The following G3BP2 variants were observed in gnomAD, a reference collection of about 807,000 sequenced individuals.
G3BP2 encodes the protein ras GTPase-activating protein-binding protein 2.
G3BP2 carries 11 observed loss-of-function variants against 56.7 expected under a neutral mutation model. That is an observed-to-expected ratio of 0.19 (90% CI 0.12 to 0.32). G3BP2 has a LOEUF of 0.32. G3BP2 is among the 10% of genes least tolerant of loss of function. The pLI, the probability that G3BP2 is intolerant of heterozygous loss-of-function variation, is 1.00. For missense variants in G3BP2, 340 were observed against 610.9 expected (o/e 0.56, Z 4.67); for synonymous variants, 165 against 191.6 (o/e 0.86, Z 1.15).
rs1278896954 is a variant in G3BP2 at position 75,693,029 on chromosome 4, G to A, written c.-25+27848C>T. 3.9e-5 allele frequency among the ~76,000 whole-genome samples: 6 copies of A among 152,038 alleles called. No homozygotes were observed. The East Asian group carries it at 5.8e-4, about 15-fold the overall frequency. The stretch of plus-strand genomic sequence containing the variant: ...TGGGAGGCCAAGGCGGGTGGATCAC[G>A]AGGTCAGGAATTTGAGACCGCCTGG... On this transcript the variant is annotated intron_variant, in intron 3 of 3. Coordinates refer to the G3BP2 transcript ENST00000499709.
intron 3 of G3BP2, among the ~76,000 whole-genome samples, chr4:75,683,246 C>G (rs997882175): frequency 6.6e-6 from 1 of 152,066 alleles, no homozygotes; most frequent in African/African-American, 2.4e-5. Flanking sequence ...GAGATTATAA[C>G]TAGGGCAGGA....
intron 3 of G3BP2, among the ~76,000 whole-genome samples, chr4:75,718,447 A>G (rs1048583585): frequency 1.3e-5 from 2 of 152,200 alleles, no homozygotes; most frequent in East Asian, 3.8e-4. Flanking sequence ...AGCATACACT[A>G]GTGATAAGGC....
chr4:75,696,610 T>G (rs964403097), intron 3 of G3BP2, among the ~76,000 whole-genome samples: 1 of 152,168 alleles, frequency 6.6e-6, no homozygotes, highest in African/African-American at 2.4e-5. Context: ...TGTACATTTC[T>G]TTTTACTTCC....
rs368804327 is a variant in G3BP2, at chr4:75,645,501, T to C, written c.1378A>G (p.Met460Val). The change falls in exon 12 of 12, where the codon ATG (methionine) becomes GTG (valine). Residue 460 changes from methionine to valine, a missense_variant. By Grantham distance (21) the Met-to-Val change is conservative. This residue lies in a region of G3BP2 where 94 missense variants were observed against 173.8 expected (regional missense o/e 0.54). Coordinates refer to ENST00000359707, the MANE Select transcript of G3BP2 (RefSeq NM_203505.3). ...CTTCCAGAGCCAAGTTTCTGTGCCA[T>C]GCCACCCCTTGGAGGAGGTCCTCTT... ...DGRGPPPRGG[M>V]AQKLGSGRGT... The C allele has an allele frequency of 5.6e-6, 9 of 1,614,010 alleles. No individual in the cohort carries two copies. The highest frequency in any genetic ancestry group is 7.6e-6 in the Non-Finnish European group (9 of 1,180,006).
intron 3 of G3BP2, among the ~76,000 whole-genome samples, chr4:75,720,751 G>A (rs1422109185): frequency 7.3e-5 from 11 of 150,600 alleles, no homozygotes; most frequent in South Asian, 4.2e-4. Flanking sequence ...AGCCGAGATC[G>A]CGCCACTACA....
intron 3 of G3BP2, among the ~76,000 whole-genome samples, chr4:75,720,701 C>T (rs1478764669): frequency 6.6e-6 from 1 of 151,078 alleles, no homozygotes; most frequent in African/African-American, 2.4e-5. Flanking sequence ...AAGGCTGAGG[C>T]AGGAGAATCG....
chr4:75,671,501 AAAT>A (rs1242477138), intron 1 of G3BP2, among the ~76,000 whole-genome samples: 1 of 152,198 alleles, frequency 6.6e-6, no homozygotes, highest in Non-Finnish European at 1.5e-5. Flanking sequence ...CGAAATGGTC[AAAT>A]AATGTGTTTT....
chr4:75,691,484 C>T (rs185479629), intron 3 of G3BP2, among the ~76,000 whole-genome samples: 2 of 152,330 alleles, frequency 1.3e-5, no homozygotes, highest in Admixed American at 6.5e-5. Context: ...ACTGGGATTA[C>T]AGGCGTGAGC....
chr4:75,667,206 C>T (rs915986081), intron 1 of G3BP2, among the ~76,000 whole-genome samples: 8 of 151,472 alleles, frequency 5.3e-5, no homozygotes, highest in African/African-American at 1.9e-4. Flanking sequence ...GGAGGAATGC[C>T]TGAGCCCGGG....
chr4:75,674,868 G>A (rs1026651174), upstream of G3BP2, among the ~76,000 whole-genome samples: 15 of 150,868 alleles, frequency 9.9e-5, no homozygotes, highest in African/African-American at 3.7e-4. Flanking sequence ...GACTACAGGC[G>A]CATGCCACCA....
chr4:75,665,130 G>T (rs1732900434), intron 1 of G3BP2, among the ~76,000 whole-genome samples: 2 of 152,310 alleles, frequency 1.3e-5, no homozygotes, highest in South Asian at 4.1e-4. Context: ...CTATAGTAGA[G>T]CTTACAGATA....
intron 3 of G3BP2, among the ~76,000 whole-genome samples, chr4:75,720,656 C>T (rs561840443): frequency 4.0e-5 from 6 of 151,566 alleles, no homozygotes; most frequent in Admixed American, 3.9e-4. Flanking sequence ...ATTAGCCAGG[C>T]ATGGTGGCAT....
intron 3 of G3BP2, among the ~76,000 whole-genome samples, chr4:75,720,143 G>A (rs1033244907): frequency 4.6e-5 from 7 of 150,964 alleles, no homozygotes; most frequent in Non-Finnish European, 7.4e-5. Flanking sequence ...TAGCTGGAAT[G>A]ATAGGCCACC....
intron 3 of G3BP2, among the ~76,000 whole-genome samples, chr4:75,702,088 ATTC>A (rs1184763212): frequency 6.6e-6 from 1 of 151,192 alleles, no homozygotes; most frequent in African/African-American, 2.4e-5. Flanking sequence ...TCTCCCATGT[ATTC>A]TTCTAAAGGC....
intron 3 of G3BP2, among the ~76,000 whole-genome samples, chr4:75,689,886 T>C (rs1718779978): frequency 6.6e-6 from 1 of 152,102 alleles, no homozygotes; most frequent in Admixed American, 6.6e-5. Context: ...GGGTATAAAG[T>C]TCAAAAGGAG....
rs529381096 is a variant in G3BP2 at position 75,656,973 on chromosome 4, A to G, written c.393T>C (p.Phe131=). The part of the protein sequence containing the change: ...PNKFYVHNDM[F]RYEDEVFGDS... Reference sequence around the variant, plus strand: ...CACCAAACACTTCATCTTCATAACGAAACATATCATTGTGAACATAAAATT... The same window carrying G: ...CACCAAACACTTCATCTTCATAACGGAACATATCATTGTGAACATAAAATT... Residue 131 remains phenylalanine, a synonymous_variant, in exon 5 of 12, where the codon TTT becomes TTC. Coordinates refer to ENST00000359707, the MANE Select transcript of G3BP2 (RefSeq NM_203505.3). The G allele has an allele frequency of 3.9e-6, 6 of 1,535,606 alleles. 1 individual carries two copies. The South Asian group carries it at 6.9e-5, about 18-fold the overall frequency.
At chr4:75,676,126 C>A (rs1733866783), upstream of G3BP2, among the ~76,000 whole-genome samples, 1 of 152,090 alleles carries the variant, frequency 6.6e-6, no homozygotes, top group Non-Finnish European at 1.5e-5. Flanking sequence ...ACACAAATAG[C>A]CCCTGCCCAG....
Position 75,657,117 on chromosome 4 carries a change from C to T in G3BP2, c.352-103G>A, listed in dbSNP as rs796270052. The T allele has an allele frequency of 1.2e-5, 7 of 602,350 alleles. No individual in the cohort carries two copies. The African/African-American group carries it at 1.3e-4, about 12-fold the overall frequency. 37.3% of individuals were successfully genotyped at this position (602,350 alleles called of 1,614,324 possible). On this transcript the variant is annotated intron_variant, in intron 4 of 11. Coordinates refer to ENST00000359707, the MANE Select transcript of G3BP2 (RefSeq NM_203505.3). Reference sequence around the variant, plus strand: ...AATTTCTCATTTTAATACTAGAGATCTTGACTCAATATAATTTTCCAATGC... The same window carrying T: ...AATTTCTCATTTTAATACTAGAGATTTTGACTCAATATAATTTTCCAATGC...
At chr4:75,645,772 GGTCA>G (rs1731169283) in intron 11 of G3BP2, 70 bp from the exon 12 acceptor site, 2 of 1,370,748 alleles carry the variant, frequency 1.5e-6, no homozygotes, top group East Asian at 4.6e-5. Flanking sequence ...ACTCTGAACA[GGTCA>G]GTCAGATAAG....
Sources: gnomAD v4.1 joint callset for allele counts (sites outside exome capture counted in the v4.1 genomes callset) on GRCh38, gnomAD v4.1.1 for gene constraint, gnomAD v4.1.1 regional missense constraint, MANE v1.5 for transcripts, NCBI Gene and HGNC (gene_info 2026-07-23, HGNC 2026-07-21) for gene names.